KIAA0930: variants seen among roughly 807,000 people sequenced by gnomAD.
KIAA0930 encodes KIAA0930.
In KIAA0930, 24 loss-of-function variants were observed where a neutral mutation model predicts 43.9. The ratio of observed to expected loss-of-function variants is 0.55; its 90% confidence interval spans 0.40 to 0.77. The LOEUF (loss-of-function observed/expected upper bound fraction) is 0.77. Ranked by LOEUF, KIAA0930 falls within the 30% of genes least tolerant of loss-of-function variation. The pLI, the probability that KIAA0930 is intolerant of heterozygous loss-of-function variation, is 0.00. For missense variants in KIAA0930, 461 were observed against 574.2 expected (o/e 0.80, Z 2.02); for synonymous variants, 259 against 216.4 (o/e 1.20, Z -1.73).
Position 45,192,715 on chromosome 22 carries a change from A to T in KIAA0930, c.*4461T>A, listed in dbSNP as rs1275783286. 6.6e-6 allele frequency: 1 copy of T among 152,156 alleles called. No individual in the cohort carries two copies. Among genetic ancestry groups the T allele is most frequent in the East Asian group, 1.9e-4 (1 of 5,180 alleles). 9.4% of individuals were successfully genotyped at this position (152,156 alleles called of 1,614,324 possible). A position where few individuals can be genotyped will look rare whatever the true frequency, so the allele number is the denominator to read the frequency against. ...TGCTGAGCTCAAGGACTGGAAACGG[A>T]ATAAAAACGCCTACTCGCCTTAGGC... is the stretch of plus-strand genomic sequence containing the variant. On this transcript the variant is annotated 3_prime_UTR_variant, in exon 10 of 10. Coordinates refer to ENST00000336156, the MANE Select transcript of KIAA0930 (RefSeq NM_001009880.2).
intron 2 of KIAA0930, among the ~76,000 whole-genome samples, chr22:45,210,217 A>C (rs11704189): frequency 0.26 from 40,249 of 152,054 alleles, 5,779 homozygotes; most frequent in Non-Finnish European, 0.32. Context: ...GGTGGGAGAA[A>C]AGTTCTCTGC....
At chr22:45,219,055 T>G (rs1421004279) in intron 1 of KIAA0930, among the ~76,000 whole-genome samples, 1 of 152,228 alleles carries the variant, frequency 6.6e-6, no homozygotes, top group Admixed American at 6.5e-5. Context: ...GAAACTTTTA[T>G]CTTTCGAGGC....
chr22:45,192,743 G>C lies in KIAA0930; in HGVS notation c.*4433C>G, dbSNP rs2083500560. On this transcript the variant is annotated 3_prime_UTR_variant, in exon 10 of 10. Transcript: ENST00000336156. ...AAAAACGCCTACTCGCCTTAGGCAG[G>C]ATAAGAAGTTGTAAACTCACCCATC... 6.6e-6 allele frequency: 1 copy of C among 152,222 alleles called. No individual in the cohort carries two copies. Among genetic ancestry groups the C allele is most frequent in the Non-Finnish European group, 1.5e-5 (1 of 68,056 alleles). 9.4% of individuals were successfully genotyped at this position (152,222 alleles called of 1,614,324 possible).
intron 1 of KIAA0930, among the ~76,000 whole-genome samples, chr22:45,215,532 G>C (rs1253740325): frequency 6.6e-6 from 1 of 152,190 alleles, no homozygotes; most frequent in Non-Finnish European, 1.5e-5. Flanking sequence ...GACGACGAAA[G>C]GAAAGGACAC....
At chr22:45,224,123 T>C (rs1223361992) in intron 1 of KIAA0930, among the ~76,000 whole-genome samples, 1 of 152,136 alleles carries the variant, frequency 6.6e-6, no homozygotes, top group South Asian at 2.1e-4. Flanking sequence ...TTTCTAACAA[T>C]GCAGTTACTT....
intron 7 of KIAA0930, chr22:45,200,984 G>C (rs548285742): frequency 4.2e-5 from 22 of 529,468 alleles, no homozygotes; most frequent in Non-Finnish European, 7.8e-5. Flanking sequence ...GGGCGTTCCA[G>C]CCAGAGGGAA....
Position 45,197,884 on chromosome 22 carries a change from G to C in KIAA0930, c.1080C>G (p.Val360=). ...CTCTGTTCAGCTTCAGCCAGGACCC[G>C]ACCAGGGACCGTCCTGTGCCCGACA... ...RSLSGTGRSL[V]GSWLKLNRAD... Residue 360 remains valine (V), a synonymous_variant, in exon 9 of 10, where the codon GTC becomes GTG. Coordinates refer to ENST00000336156, the MANE Select transcript of KIAA0930 (RefSeq NM_001009880.2). 1.2e-6 allele frequency: 2 copies of C among 1,614,138 alleles called. No individual in the cohort carries two copies. Among genetic ancestry groups the C allele is most frequent in the Non-Finnish European group, 1.7e-6 (2 of 1,179,992 alleles).
intron 1 of KIAA0930, among the ~76,000 whole-genome samples, chr22:45,219,595 T>TG (rs1371909792): frequency 9.7e-5 from 14 of 144,386 alleles, no homozygotes; most frequent in Middle Eastern, 3.2e-3. Context: ...TTTTTTTTTT[T>TG]TTTTTTTTTT....
chr22:45,226,151 C>T, intron 1 of KIAA0930: 1 of 432,908 alleles, frequency 2.3e-6, no homozygotes, highest in Non-Finnish European at 4.9e-6. Context: ...TCTCCACTCA[C>T]CCTCAGCTGC....
At chr22:45,204,821 G>C (rs2083621488) in intron 5 of KIAA0930, among the ~76,000 whole-genome samples, 1 of 151,886 alleles carries the variant, frequency 6.6e-6, no homozygotes, top group African/African-American at 2.4e-5. Context: ...ATCCCTCTTT[G>C]ACATCCTAGG....
At chr22:45,216,456 A>G (rs2083733230) in intron 1 of KIAA0930, among the ~76,000 whole-genome samples, 1 of 151,800 alleles carries the variant, frequency 6.6e-6, no homozygotes, top group African/African-American at 2.4e-5. Context: ...ACTGACACCG[A>G]GCACGGCAGT....
intron 8 of KIAA0930, among the ~76,000 whole-genome samples, chr22:45,199,605 A>G (rs1243897898): frequency 6.6e-6 from 1 of 152,178 alleles, no homozygotes; most frequent in East Asian, 1.9e-4. Flanking sequence ...AAATCCCCTG[A>G]AACTGACCAA....
chr22:45,233,810 C>T (rs2083869370), intron 1 of KIAA0930, among the ~76,000 whole-genome samples: 2 of 152,236 alleles, frequency 1.3e-5, no homozygotes, highest in African/African-American at 4.8e-5. Flanking sequence ...AAGACACGGG[C>T]TAACTCCTAC....
At chr22:45,233,354 T>C (rs1329042629) in intron 1 of KIAA0930, among the ~76,000 whole-genome samples, 1 of 151,418 alleles carries the variant, frequency 6.6e-6, no homozygotes, top group East Asian at 1.9e-4. Context: ...TTCTAAGGAG[T>C]GGAGGCTGAG....
intron 1 of KIAA0930, among the ~76,000 whole-genome samples, chr22:45,237,025 C>T (rs1214033425): frequency 2.6e-5 from 4 of 152,238 alleles, no homozygotes; most frequent in African/African-American, 4.8e-5. Flanking sequence ...GACCAACTGT[C>T]GGGTGGGCTG....
At chr22:45,208,557 C>T (rs1053614810) in intron 2 of KIAA0930, among the ~76,000 whole-genome samples, 4 of 117,356 alleles carry the variant, frequency 3.4e-5, no homozygotes, top group African/African-American at 5.6e-5. Context: ...AGGCAGAACC[C>T]GCCCGGGAAG....
At chr22:45,240,051 C>G (rs1297512055) in intron 1 of KIAA0930, among the ~76,000 whole-genome samples, 2 of 152,140 alleles carry the variant, frequency 1.3e-5, no homozygotes, top group African/African-American at 4.8e-5. Flanking sequence ...CGAGAGGCAG[C>G]AGGCCCTGCC....
intron 8 of KIAA0930, 57 bp from the exon 9 acceptor site, chr22:45,198,005 CAGG>C (rs2147732782): frequency 6.4e-7 from 1 of 1,570,572 alleles, no homozygotes; most frequent in Admixed American, 1.7e-5. Flanking sequence ...GCGGGAGCAG[CAGG>C]AGGCCAGCTC....
At position 45,205,110 on chromosome 22, in the gene KIAA0930, C is replaced by G. The variant is rs550243675; in HGVS notation, c.516+107G>C. The G allele has an allele frequency of 1.2e-4, 101 of 875,524 alleles. No homozygotes were observed. The African/African-American group carries it at 1.2e-3, about 11-fold the overall frequency. The allele number at this position is 875,524 out of a possible 1,614,324, so 54.2% of individuals were successfully genotyped here. ...TGCCTCAGCCGGACTCTTCCCGGCT[C>G]CAAGCCACCCATGCCTTTCTGCAAG... On this transcript the variant is annotated intron_variant, in intron 5 of 9. Transcript: ENST00000336156.
Sources: allele counts gnomAD v4.1 joint callset (sites outside exome capture counted in the v4.1 genomes callset), GRCh38; gene constraint gnomAD v4.1.1; transcripts MANE v1.5; gene names NCBI Gene and HGNC (gene_info 2026-07-23, HGNC 2026-07-21).